Variants in PLA2R1 observed in about 807,000 individuals in gnomAD.
PLA2R1 encodes the protein secretory phospholipase A2 receptor.
PLA2R1 carries 158 observed loss-of-function variants against 195.9 expected under a neutral mutation model. The observed-to-expected ratio is 0.81, with a 90% CI of 0.71 to 0.92. PLA2R1 has a LOEUF of 0.92. Among genes scored for constraint, PLA2R1 ranks in the 40% least tolerant of loss-of-function variants. The probability of loss-of-function intolerance (pLI) is 0.00; values close to 1 mark genes in which losing one functional copy is unlikely to be tolerated. For synonymous variants in PLA2R1, 586 were observed against 598.2 expected (o/e 0.98, Z 0.30); for missense variants, 1,626 against 1,764.6 (o/e 0.92, Z 1.41).
chr2:159,984,450 T>C (rs1480884798), intron 12 of PLA2R1, among the ~76,000 whole-genome samples: 1 of 152,200 alleles, frequency 6.6e-6, no homozygotes, highest in Non-Finnish European at 1.5e-5. Flanking sequence ...AGCTATAAAC[T>C]GGCAGAGCTA....
rs1048685289 is a variant in PLA2R1, at chr2:159,937,459, C to A, written c.*4319G>T. 4 of 152,134 alleles carry A rather than the reference C, an allele frequency of 2.6e-5. No homozygotes were observed. Among genetic ancestry groups the A allele is most frequent in the African/African-American group, 9.7e-5 (4 of 41,440 alleles). The allele number at this position is 152,134 out of a possible 1,614,324, so 9.4% of individuals were successfully genotyped here. ...GGTAAAGTCAATCCTTGTTGTCAAACCAATGAGCCAAATAAAAAAAACTTC... is the reference window on the plus strand; with the variant it reads ...GGTAAAGTCAATCCTTGTTGTCAAAACAATGAGCCAAATAAAAAAAACTTC... On this transcript the variant is annotated 3_prime_UTR_variant, in exon 30 of 30. Transcript: ENST00000283243.
intron 5 of PLA2R1, 135 bp downstream of exon 5, chr2:160,028,715 A>T (rs551263446): frequency 1.3e-5 from 8 of 628,738 alleles, no homozygotes; most frequent in Admixed American, 3.0e-5. Flanking sequence ...AGCTTGCCTT[A>T]AAGGAATTCA....
intron 1 of PLA2R1, among the ~76,000 whole-genome samples, chr2:160,058,239 C>T (rs927098174): frequency 6.6e-6 from 1 of 152,138 alleles, no homozygotes; most frequent in South Asian, 2.1e-4. Flanking sequence ...GCCATCAGCC[C>T]CTACCCCTCT....
At chr2:160,003,514 C>G (rs1323241003) in intron 11 of PLA2R1, among the ~76,000 whole-genome samples, 2 of 141,296 alleles carry the variant, frequency 1.4e-5, no homozygotes, top group Non-Finnish European at 3.2e-5. Context: ...AGTTGAAAAA[C>G]AAAACAAAAT....
At chr2:160,029,009 A>G (rs1250911602) in intron 4 of PLA2R1, 46 bp from the exon 5 acceptor site, 2 of 1,026,828 alleles carry the variant, frequency 1.9e-6, no homozygotes, top group South Asian at 2.6e-5. Context: ...CCAGTGTTAC[A>G]CATCTTTCTT....
intron 3 of PLA2R1, among the ~76,000 whole-genome samples, chr2:160,040,159 A>G (rs1694436312): frequency 6.6e-6 from 1 of 151,504 alleles, no homozygotes; most frequent in Non-Finnish European, 1.5e-5. Flanking sequence ...ATACACACCT[A>G]CATGCATACA....
intron 6 of PLA2R1, among the ~76,000 whole-genome samples, chr2:160,027,719 G>T (rs1693611978): frequency 6.6e-6 from 1 of 152,194 alleles, no homozygotes; most frequent in African/African-American, 2.4e-5. Context: ...TGGACTTCTG[G>T]TACTAGACTG....
intron 10 of PLA2R1, among the ~76,000 whole-genome samples, chr2:160,011,905 C>T (rs1220361501): frequency 2.0e-5 from 3 of 152,012 alleles, no homozygotes; most frequent in Non-Finnish European, 2.9e-5. Context: ...AATGTTTCAC[C>T]AGGTGACTTA....
chr2:160,011,161 T>C (rs576870696), intron 10 of PLA2R1, among the ~76,000 whole-genome samples: 1 of 152,362 alleles, frequency 6.6e-6, no homozygotes, highest in South Asian at 2.1e-4. Flanking sequence ...CAGATTTTTT[T>C]CCCAGATACT....
chr2:159,951,598 A>G lies in PLA2R1; in HGVS notation c.3302-20T>C, dbSNP rs1370102004. The G allele has an allele frequency of 1.6e-6, 2 of 1,252,928 alleles. No homozygotes were observed. The highest frequency in any genetic ancestry group is 2.4e-6 in the Non-Finnish European group (2 of 848,982). The allele number at this position is 1,252,928 out of a possible 1,614,324, so 77.6% of individuals were successfully genotyped here. A position where few individuals can be genotyped will look rare whatever the true frequency, so the allele number is the denominator to read the frequency against. On this transcript the variant is annotated intron_variant, in intron 23 of 29. Transcript: ENST00000283243. The stretch of plus-strand genomic sequence containing the variant: ...AAGTATCTAGAACAAGAACAGCAAC[A>G]AAAGTCATTTGCAGCATCTGGATGA...
At chr2:160,025,006 C>A (rs982860697) in intron 6 of PLA2R1, among the ~76,000 whole-genome samples, 3 of 152,160 alleles carry the variant, frequency 2.0e-5, no homozygotes, top group African/African-American at 7.2e-5. Context: ...GTGCTTCATC[C>A]CCTAGAGCTT....
rs1300844705 is a variant in PLA2R1 at position 160,033,181 on chromosome 2, A to G, written c.668-49T>C. 6 of 1,394,960 alleles carry G rather than the reference A, an allele frequency of 4.3e-6. No individual in the cohort carries two copies. In the Admixed American group the frequency reaches 6.2e-5, roughly 14 times the overall value. 86.4% of individuals were successfully genotyped at this position (1,394,960 alleles called of 1,614,324 possible). On this transcript the variant is annotated intron_variant, in intron 3 of 29. Coordinates refer to ENST00000283243, the MANE Select transcript of PLA2R1 (RefSeq NM_007366.5). ...CAACCAGGTCTTATTTTATCTATAC[A>G]GCAACATATTTCTAAGGTAAGTCTG...
intron 8 of PLA2R1, 53 bp from the exon 9 acceptor site, chr2:160,016,765 G>C: frequency 2.6e-6 from 2 of 781,628 alleles, no homozygotes; most frequent in Non-Finnish European, 4.4e-6. Flanking sequence ...TGATACCGAT[G>C]GGCAATAGCA....
intron 27 of PLA2R1, among the ~76,000 whole-genome samples, chr2:159,945,640 A>C (rs902667372): frequency 2.0e-5 from 3 of 152,142 alleles, no homozygotes; most frequent in Non-Finnish European, 2.9e-5. Context: ...GCTATTGTGA[A>C]TAGTGCCGCA....
At chr2:159,955,616 A>T in intron 22 of PLA2R1, 82 bp downstream of exon 22, 1 of 614,122 alleles carries the variant, frequency 1.6e-6, no homozygotes, top group Non-Finnish European at 2.5e-6. Flanking sequence ...AAAATATAGG[A>T]AATAAAAAAA....
At chr2:160,029,950 C>G (rs1693758825) in intron 4 of PLA2R1, among the ~76,000 whole-genome samples, 1 of 152,222 alleles carries the variant, frequency 6.6e-6, no homozygotes, top group African/African-American at 2.4e-5. Context: ...GATTAAGACC[C>G]TGACGGATAA....
intron 14 of PLA2R1, among the ~76,000 whole-genome samples, 164 bp from the exon 15 acceptor site, chr2:159,977,580 C>T (rs530540864): frequency 6.6e-6 from 1 of 151,440 alleles, no homozygotes; most frequent in African/African-American, 2.4e-5. Context: ...TTGTGAAGAA[C>T]AAGCTAATCA....
At chr2:159,973,584 C>A (rs1046048088) in intron 17 of PLA2R1, among the ~76,000 whole-genome samples, 1 of 152,058 alleles carries the variant, frequency 6.6e-6, no homozygotes, top group Non-Finnish European at 1.5e-5. Flanking sequence ...TGGGCATTCA[C>A]CAGACATCAA....
chr2:160,022,601 A>G (rs1693211720), intron 7 of PLA2R1, 64 bp downstream of exon 7: 1 of 888,254 alleles, frequency 1.1e-6, no homozygotes, highest in Admixed American at 2.7e-5. Context: ...TTTCAACTCC[A>G]CTAATAAAAG....
Sources: gnomAD v4.1 joint callset for allele counts (sites outside exome capture counted in the v4.1 genomes callset) on GRCh38, gnomAD v4.1.1 for gene constraint, MANE v1.5 for transcripts, NCBI Gene and HGNC (gene_info 2026-07-23, HGNC 2026-07-21) for gene names.